The following ADPGK variants were observed in gnomAD, a reference collection of about 807,000 sequenced individuals.
The protein encoded by ADPGK is ADP dependent glucokinase.
ADPGK carries 26 observed loss-of-function variants against 42.4 expected under a neutral mutation model. The observed-to-expected ratio is 0.61, with a 90% CI of 0.45 to 0.85. ADPGK has a LOEUF of 0.85. Among genes scored for constraint, ADPGK ranks in the 40% least tolerant of loss-of-function variants. ADPGK has a pLI of 0.00. For synonymous variants in ADPGK, 267 were observed against 252.6 expected (o/e 1.06, Z -0.54); for missense variants, 571 against 627.0 (o/e 0.91, Z 0.95).
At chr15:72,779,251 T>G (rs1333695827) in intron 1 of ADPGK, among the ~76,000 whole-genome samples, 1 of 148,158 alleles carries the variant, frequency 6.7e-6, no homozygotes, top group Admixed American at 6.7e-5. Flanking sequence ...AGGGTTTTTT[T>G]TTTTTTTTTT....
At chr15:72,762,680 C>G (rs901498731) in intron 3 of ADPGK, among the ~76,000 whole-genome samples, 2 of 152,118 alleles carry the variant, frequency 1.3e-5, no homozygotes, top group Admixed American at 1.3e-4. Context: ...AGGACGATCC[C>G]TAAAAAACAG....
intron 1 of ADPGK, among the ~76,000 whole-genome samples, chr15:72,782,331 T>C (rs930239849): frequency 2.0e-5 from 3 of 151,876 alleles, no homozygotes; most frequent in African/African-American, 4.8e-5. Context: ...CTGGGCAATA[T>C]AGCAAGACCT....
rs1490899796 is a variant in ADPGK at position 72,782,515 on chromosome 15, A to C, written c.233+944T>G. Among the ~76,000 whole-genome samples, 3 of 91,140 alleles carry C rather than the reference A, an allele frequency of 3.3e-5. No homozygotes were observed. In the Admixed American group the frequency reaches 5.0e-4, roughly 15 times the overall value. 59.8% of individuals were successfully genotyped at this position (91,140 alleles called of 152,430 possible). A position where few individuals can be genotyped will look rare whatever the true frequency, so the allele number is the denominator to read the frequency against. ...ACTCCAGCCTAGGCGACAGAGAGAG[A>C]GACCCTGTGTCCAAAAAAAAAAAAA... On this transcript the variant is annotated intron_variant, in intron 1 of 6. Coordinates refer to ENST00000456471, the MANE Select transcript of ADPGK (RefSeq NM_001365225.1).
Position 72,760,370 on chromosome 15 carries a change from G to T in ADPGK, c.643+37C>A. The stretch of plus-strand genomic sequence containing the variant: ...CCAATCTGACAATACACAGCCCCTT[G>T]ACTGGTCTTGCCACCATTACTTACT... On this transcript the variant is annotated intron_variant, in intron 4 of 6. Coordinates refer to ENST00000456471, the MANE Select transcript of ADPGK (RefSeq NM_001365225.1). 1.9e-6 allele frequency: 3 copies of T among 1,565,666 alleles called. No individual in the cohort carries two copies. The South Asian group carries it at 3.5e-5, about 18-fold the overall frequency.
At chr15:72,760,602 A>G (rs2066180540) in intron 3 of ADPGK, 75 bp from the exon 4 acceptor site, 2 of 1,462,928 alleles carry the variant, frequency 1.4e-6, no homozygotes, top group Admixed American at 2.2e-5. Flanking sequence ...ACCCCAGGAC[A>G]GTACATTCAG....
chr15:72,780,689 G>A (rs914736485), intron 1 of ADPGK, among the ~76,000 whole-genome samples: 5 of 152,086 alleles, frequency 3.3e-5, no homozygotes, highest in African/African-American at 7.2e-5. Flanking sequence ...CCAGCTACTC[G>A]GGACACTGAG....
chr15:72,760,471 G>A lies in ADPGK; in HGVS notation c.579C>T (p.Val193=). 6.2e-7 allele frequency: 1 copy of A among 1,610,610 alleles called. No homozygotes were observed. The highest frequency in any genetic ancestry group is 2.2e-5 in the East Asian group (1 of 44,668). The change falls in exon 4 of 7, where the codon GTC becomes GTT. Residue 193 remains valine, a synonymous_variant. Transcript: ENST00000456471. ...CCTGCAATGACTCTGGTGGAACAAA[G>A]ACATTGTCATCAAGAAGCTCATGTA... ...PKLHELLDDN[V]FVPPESLQEV...
At chr15:72,762,592 C>T (rs1395978092) in intron 3 of ADPGK, among the ~76,000 whole-genome samples, 1 of 152,216 alleles carries the variant, frequency 6.6e-6, no homozygotes, top group African/African-American at 2.4e-5. Flanking sequence ...CATATTTACC[C>T]TCCTGCCTGA....
chr15:72,760,554 C>G (rs376332819), intron 3 of ADPGK, 27 bp from the exon 4 acceptor site: 1 of 1,586,638 alleles, frequency 6.3e-7, no homozygotes, highest in Non-Finnish European at 8.6e-7. Flanking sequence ...CGAAGTCCAT[C>G]AGGAGCCCCG....
intron 4 of ADPGK, chr15:72,758,351 T>A: frequency 1.6e-6 from 1 of 614,348 alleles, no homozygotes; most frequent in Non-Finnish European, 3.0e-6. Context: ...CAGCAAAACC[T>A]CTGCGTAGTG....
chr15:72,772,713 C>A (rs559010696), intron 2 of ADPGK, among the ~76,000 whole-genome samples: 1 of 152,274 alleles, frequency 6.6e-6, no homozygotes, highest in South Asian at 2.1e-4. Context: ...CGAAGAAACA[C>A]ACTGATGTGT....
intron 1 of ADPGK, among the ~76,000 whole-genome samples, chr15:72,778,807 A>G (rs2066421047): frequency 1.3e-5 from 2 of 152,348 alleles, no homozygotes; most frequent in Middle Eastern, 3.4e-3. Context: ...AGGCGGGGGA[A>G]AAATGGCTAG....
At chr15:72,761,868 TTTTA>T (rs2066199286) in intron 3 of ADPGK, among the ~76,000 whole-genome samples, 1 of 151,914 alleles carries the variant, frequency 6.6e-6, no homozygotes, top group African/African-American at 2.4e-5. Flanking sequence ...CTGGCTAATT[TTTTA>T]TTTATTTTTA....
intron 2 of ADPGK, 134 bp downstream of exon 2, chr15:72,774,738 C>G: frequency 1.4e-6 from 1 of 703,978 alleles, no homozygotes; most frequent in Non-Finnish European, 2.4e-6. Context: ...CCTAGACCCA[C>G]AGTTTTCAAC....
intron 1 of ADPGK, among the ~76,000 whole-genome samples, chr15:72,782,548 A>AAC (rs1491551388): frequency 1.3e-5 from 2 of 149,050 alleles, no homozygotes; most frequent in African/African-American, 2.5e-5. Flanking sequence ...AAAAAAAAAA[A>AAC]CCCCAAAATT....
At chr15:72,761,281 C>G (rs1021164371) in intron 3 of ADPGK, among the ~76,000 whole-genome samples, 3 of 152,170 alleles carry the variant, frequency 2.0e-5, no homozygotes, top group African/African-American at 7.2e-5. Context: ...TTGTCTGCAA[C>G]AAAGCTGCCA....
intron 3 of ADPGK, among the ~76,000 whole-genome samples, chr15:72,771,208 C>A (rs917424401): frequency 6.6e-6 from 1 of 152,176 alleles, no homozygotes; most frequent in Non-Finnish European, 1.5e-5. Context: ...AACATGGCAA[C>A]GATTTTTAAT....
chr15:72,774,215 T>C (rs1243413384), intron 2 of ADPGK, among the ~76,000 whole-genome samples: 1 of 152,148 alleles, frequency 6.6e-6, no homozygotes, highest in Non-Finnish European at 1.5e-5. Context: ...AAAAATGGCA[T>C]TAAGAGCTTC....
chr15:72,772,191 T>A (rs1466374255), intron 2 of ADPGK, among the ~76,000 whole-genome samples: 1 of 152,018 alleles, frequency 6.6e-6, no homozygotes, highest in African/African-American at 2.4e-5. Flanking sequence ...TGAAGAAAAA[T>A]TTCACTATCC....
Sources: allele counts gnomAD v4.1 joint callset (sites outside exome capture counted in the v4.1 genomes callset), GRCh38; gene constraint gnomAD v4.1.1; transcripts MANE v1.5; gene names NCBI Gene and HGNC (gene_info 2026-07-23, HGNC 2026-07-21).